ROCK2: variants seen among roughly 807,000 people sequenced by gnomAD.
The protein encoded by ROCK2 is Rho associated coiled-coil containing protein kinase 2.
A neutral mutation model predicts 195.1 loss-of-function variants in ROCK2; 61 were observed. The ratio of observed to expected loss-of-function variants is 0.31; its 90% CI spans 0.25 to 0.39. The LOEUF (loss-of-function observed/expected upper bound fraction) is 0.39. ROCK2 is among the 10% of genes least tolerant of loss of function. The pLI is 1.00. For missense variants in ROCK2, 1,109 were observed against 1,637.4 expected (o/e 0.68, Z 5.57); for synonymous variants, 504 against 545.5 (o/e 0.92, Z 1.06).
At chr2:11,312,982 T>G (rs777619588) in intron 1 of ROCK2, among the ~76,000 whole-genome samples, 2 of 151,962 alleles carry the variant, frequency 1.3e-5, no homozygotes, top group Admixed American at 6.6e-5. Flanking sequence ...GAAAGGAGGA[T>G]GATGAAGTGG....
At chr2:11,223,892 A>T (rs1165491852) in intron 7 of ROCK2, among the ~76,000 whole-genome samples, 1 of 152,196 alleles carries the variant, frequency 6.6e-6, no homozygotes, top group African/African-American at 2.4e-5. Flanking sequence ...GCAAATTAAA[A>T]AGGGTTGGGA....
intron 3 of ROCK2, among the ~76,000 whole-genome samples, chr2:11,283,429 C>T (rs190396648): frequency 0.011 from 1,631 of 149,626 alleles, 24 homozygotes; most frequent in East Asian, 0.052. Flanking sequence ...GGCGCGGTGG[C>T]GGGCGCCTGT....
chr2:11,339,212 T>A (rs953946809), intron 1 of ROCK2, among the ~76,000 whole-genome samples: 1 of 152,186 alleles, frequency 6.6e-6, no homozygotes, highest in Non-Finnish European at 1.5e-5. Context: ...CAATTTACTT[T>A]AAGTGAACCA....
At chr2:11,203,525 C>T (rs1015875949) in intron 20 of ROCK2, among the ~76,000 whole-genome samples, 1 of 151,882 alleles carries the variant, frequency 6.6e-6, no homozygotes, top group Non-Finnish European at 1.5e-5. Context: ...ATATGAACAC[C>T]ACTTGGGTAT....
intron 6 of ROCK2, among the ~76,000 whole-genome samples, chr2:11,225,325 T>C (rs988160097): frequency 6.6e-6 from 1 of 152,228 alleles, no homozygotes; most frequent in African/African-American, 2.4e-5. Context: ...AAAACCTGAC[T>C]TTCCCAAATC....
chr2:11,277,188 G>C (rs984640378), intron 3 of ROCK2, among the ~76,000 whole-genome samples: 2 of 152,172 alleles, frequency 1.3e-5, no homozygotes, highest in Non-Finnish European at 2.9e-5. Flanking sequence ...TTCACTGTTT[G>C]TGCTATACAA....
chr2:11,231,657 T>C (rs1172771502), intron 5 of ROCK2, among the ~76,000 whole-genome samples: 1 of 152,132 alleles, frequency 6.6e-6, no homozygotes, highest in Admixed American at 6.5e-5. Context: ...TATCTTACAA[T>C]GTGACTCTCA....
At chr2:11,206,000 T>C (rs534610586) in intron 20 of ROCK2, among the ~76,000 whole-genome samples, 144 of 152,046 alleles carry the variant, frequency 9.5e-4, no homozygotes, top group African/African-American at 3.2e-3. Flanking sequence ...TCCCAGCTAC[T>C]TGGGAGGCTG....
intron 1 of ROCK2, among the ~76,000 whole-genome samples, chr2:11,342,447 T>C (rs1669136057): frequency 6.6e-6 from 1 of 152,248 alleles, no homozygotes; most frequent in Admixed American, 6.5e-5. Context: ...AGAATAACTC[T>C]AATAATTATG....
At chr2:11,278,353 T>A (rs1347369739) in intron 3 of ROCK2, among the ~76,000 whole-genome samples, 1 of 152,218 alleles carries the variant, frequency 6.6e-6, no homozygotes, top group African/African-American at 2.4e-5. Flanking sequence ...TAATACAAGA[T>A]CCTCCAACCA....
At chr2:11,343,943 G>A in intron 1 of ROCK2, 53 bp downstream of exon 1, 4 of 1,551,344 alleles carry the variant, frequency 2.6e-6, no homozygotes, top group Non-Finnish European at 2.6e-6. Context: ...GGGCGGAGAG[G>A]GGATCTGAGG....
At chr2:11,238,344 T>C (rs977286358) in intron 4 of ROCK2, among the ~76,000 whole-genome samples, 1 of 151,798 alleles carries the variant, frequency 6.6e-6, no homozygotes, top group Non-Finnish European at 1.5e-5. Context: ...ATCAATACTA[T>C]CAAAATGGCA....
rs182738877 is a variant in ROCK2, at chr2:11,261,885, C to T, written c.325-12087G>A. On this transcript the variant is annotated intron_variant, in intron 3 of 32. Transcript: ENST00000315872. ...AAATGTCAACAAACCTGGGCAAACT[C>T]CTAGCTGTTTATGAACTATGTGGCC... Among the ~76,000 whole-genome samples, 962 of 152,278 alleles carry T rather than the reference C, an allele frequency of 6.3e-3. 9 individuals are homozygous for T. Among genetic ancestry groups the T allele is most frequent in the Non-Finnish European group, 0.01 (684 of 68,024 alleles).
intron 3 of ROCK2, among the ~76,000 whole-genome samples, chr2:11,259,532 C>G (rs1185661360): frequency 6.6e-6 from 1 of 151,346 alleles, no homozygotes; most frequent in African/African-American, 2.5e-5. Context: ...CATTTGACCT[C>G]TCTGAGACTC....
rs150936226 is a variant in ROCK2 at position 11,202,521 on chromosome 2, G to A, written c.2550-400C>T. 1.7e-3 allele frequency among the ~76,000 whole-genome samples: 254 copies of A among 151,062 alleles called. 5 individuals are homozygous for A. In the East Asian group the frequency reaches 0.042, roughly 25 times the overall value. The stretch of plus-strand genomic sequence containing the variant: ...TTATTATTATTTTTGTTTTTGAGAC[G>A]GAGTCTCACTCTGTCGCCCAGGCTG... On this transcript the variant is annotated intron_variant, in intron 20 of 32. Transcript: ENST00000315872.
At position 11,344,141 on chromosome 2, in the gene ROCK2, C is replaced by T; in HGVS notation, c.-5G>A. On this transcript the variant is annotated 5_prime_UTR_variant, in exon 1 of 33. Coordinates refer to ENST00000315872, the MANE Select transcript of ROCK2 (RefSeq NM_004850.5). The surrounding 1 kb of genome is among the most constrained non-coding windows in gnomAD (Gnocchi z 5.4). ...CGTCGGCGGGGGCCGGCTCATGCCG[C>T]CACCGCTGGACCCGCACTCAGGCTC... The T allele has an allele frequency of 1.0e-5, 15 of 1,436,940 alleles. No individual in the cohort carries two copies. Among genetic ancestry groups the T allele is most frequent in the Admixed American group, 3.1e-5 (1 of 31,786 alleles). 89.0% of individuals were successfully genotyped at this position (1,436,940 alleles called of 1,614,324 possible).
At chr2:11,294,384 CTTAT>C (rs1193774010) in intron 1 of ROCK2, among the ~76,000 whole-genome samples, 1 of 152,092 alleles carries the variant, frequency 6.6e-6, no homozygotes, top group Admixed American at 6.6e-5. Context: ...ATAACATCTC[CTTAT>C]TTAATTTTCC....
intron 4 of ROCK2, among the ~76,000 whole-genome samples, chr2:11,248,626 T>C (rs1399560948): frequency 2.2e-5 from 3 of 139,262 alleles, no homozygotes; most frequent in Non-Finnish European, 3.0e-5. Flanking sequence ...GGAGAACCGC[T>C]TGAACCCGGG....
At chr2:11,254,548 A>G (rs1465126487) in intron 3 of ROCK2, among the ~76,000 whole-genome samples, 1 of 152,020 alleles carries the variant, frequency 6.6e-6, no homozygotes, top group Non-Finnish European at 1.5e-5. Flanking sequence ...ATGGTAAAAC[A>G]TAAACACTGG....
Sources: allele counts gnomAD v4.1 joint callset (sites outside exome capture counted in the v4.1 genomes callset), GRCh38; gene constraint gnomAD v4.1.1; non-coding constraint Gnocchi (gnomAD v3.1); transcripts MANE v1.5; gene names NCBI Gene and HGNC (gene_info 2026-07-23, HGNC 2026-07-21).